The following ABCC11 variants were observed in gnomAD, a reference collection of about 807,000 sequenced individuals.
ABCC11 encodes the protein ATP-binding cassette sub-family C member 11.
Under a neutral mutation model 149.3 loss-of-function variants are expected in ABCC11, and 135 were observed. That is an observed-to-expected ratio of 0.90 (90% CI 0.79 to 1.04). The LOEUF is 1.04. Among genes scored for constraint, ABCC11 ranks in the 50% least tolerant of loss-of-function variants. The pLI, the probability that ABCC11 is intolerant of heterozygous loss-of-function variation, is 0.00. For synonymous variants in ABCC11, 665 were observed against 671.4 expected, an observed-to-expected ratio of 0.99 and a Z score of 0.15; for missense variants, 1,680 against 1,722.1, an observed-to-expected ratio of 0.98 and a Z score of 0.43.
intron 1 of ABCC11, among the ~76,000 whole-genome samples, chr16:48,239,325 G>T (rs927535569): frequency 1.3e-5 from 2 of 152,116 alleles, no homozygotes; most frequent in African/African-American, 4.8e-5. Context: ...GACTTTGGGA[G>T]GCTGAGGCGG....
intron 17 of ABCC11, 110 bp from the exon 18 acceptor site, chr16:48,196,431 T>G: frequency 1.0e-6 from 1 of 997,492 alleles, no homozygotes; most frequent in East Asian, 2.6e-5. Flanking sequence ...CCAGCTTCAG[T>G]GCCCCACCTA....
chr16:48,233,527 C>G (rs1970535932), intron 1 of ABCC11, among the ~76,000 whole-genome samples: 1 of 152,316 alleles, frequency 6.6e-6, no homozygotes, highest in Non-Finnish European at 1.5e-5. Flanking sequence ...GTGACACACA[C>G]TCTTTACAGC....
intron 1 of ABCC11, chr16:48,244,418 C>CA (rs1567301064): frequency 1.3e-6 from 2 of 1,582,074 alleles, no homozygotes; most frequent in Non-Finnish European, 1.7e-6. Context: ...TCCAGATCCC[C>CA]AGTCGCCTCC....
chr16:48,227,670 T>C (rs1970161071), intron 4 of ABCC11, 136 bp downstream of exon 4: 1 of 1,102,760 alleles, frequency 9.1e-7, no homozygotes, highest in Non-Finnish European at 1.4e-6. Flanking sequence ...CCTCACCTAG[T>C]ATGAGGCCTC....
intron 6 of ABCC11, among the ~76,000 whole-genome samples, chr16:48,219,756 A>G (rs544766915): frequency 3.9e-4 from 59 of 152,250 alleles, no homozygotes; most frequent in African/African-American, 1.4e-3. Context: ...CAAAGTAGGC[A>G]GGTCACCTAA....
At chr16:48,211,659 C>A (rs754224727) in intron 10 of ABCC11, among the ~76,000 whole-genome samples, 28 of 151,686 alleles carry the variant, frequency 1.8e-4, no homozygotes, top group Admixed American at 3.3e-4. Flanking sequence ...GCCTGGGGAC[C>A]ATAGTGAGAC....
At chr16:48,186,516 T>C (rs1966753468) in intron 22 of ABCC11, among the ~76,000 whole-genome samples, 1 of 152,222 alleles carries the variant, frequency 6.6e-6, no homozygotes, top group Admixed American at 6.5e-5. Flanking sequence ...TGTTTGCTTG[T>C]TTGTTTCAAC....
intron 14 of ABCC11, 31 bp from the exon 15 acceptor site, chr16:48,200,510 C>T: frequency 1.2e-6 from 2 of 1,607,162 alleles, no homozygotes; most frequent in Non-Finnish European, 8.5e-7. Context: ...GCACCATGTC[C>T]AGACAGCAAG....
chr16:48,170,840 C>T (rs546972528), intron 27 of ABCC11, 49 bp downstream of exon 27: 6 of 1,535,094 alleles, frequency 3.9e-6, no homozygotes, highest in African/African-American at 1.4e-5. Context: ...GGCAGCCCCC[C>T]ATGGGCGATG....
rs935756776 is a variant in ABCC11 at position 48,186,896 on chromosome 16, C to G, written c.3071+57G>C. On this transcript the variant is annotated intron_variant, in intron 22 of 29. Transcript: ENST00000356608. ...CACTCCCAGACGCTCCATTCTTTCC[C>G]TGCTCCCCACCACCCCTGTGGTTCC... is the stretch of plus-strand genomic sequence containing the variant. The G allele has an allele frequency of 3.8e-6, 6 of 1,598,984 alleles. No homozygotes were observed. The African/African-American group carries it at 8.1e-5, about 22-fold the overall frequency.
At chr16:48,173,450 G>T (rs1233947842) in intron 26 of ABCC11, among the ~76,000 whole-genome samples, 1 of 152,178 alleles carries the variant, frequency 6.6e-6, no homozygotes, top group African/African-American at 2.4e-5. Context: ...AAATTAGGCA[G>T]TATACTAAAG....
Position 48,216,574 on chromosome 16 carries a change from C to T in ABCC11, c.778-287G>A, listed in dbSNP as rs185895303. On this transcript the variant is annotated intron_variant, in intron 6 of 29. Coordinates refer to ENST00000356608, the MANE Select transcript of ABCC11 (RefSeq NM_001370497.1). ...CAATAACATAGAAAGTGTCTGCACA[C>T]ATAGAATGTGCTCAATAAAAGGGAT... Among the ~76,000 whole-genome samples the T allele has an allele frequency of 5.3e-5, 8 of 152,316 alleles. No homozygotes were observed. In the East Asian group the frequency reaches 1.3e-3, roughly 26 times the overall value.
rs1970443963 is a variant in ABCC11 at position 48,231,892 on chromosome 16, G to A, written c.30C>T (p.Pro10=). MTRKRTYWV[P]NSSGGLVNRG... ...GATTCACGAGGCCACCAGAAGAGTT[G>A]GGCACCCAGTATGTCCTCTTCCTAG... The change falls in exon 2 of 30, where the codon CCC becomes CCT. Residue 10 remains proline (P), a synonymous_variant. Transcript: ENST00000356608. 2 of 1,614,000 alleles carry A rather than the reference G, an allele frequency of 1.2e-6. No homozygotes were observed. Among genetic ancestry groups the A allele is most frequent in the African/African-American group, 1.3e-5 (1 of 74,914 alleles).
chr16:48,170,711 G>C (rs1012504683), intron 27 of ABCC11, among the ~76,000 whole-genome samples, 178 bp downstream of exon 27: 2 of 152,184 alleles, frequency 1.3e-5, no homozygotes, highest in African/African-American at 4.8e-5. Context: ...CACACGGTTG[G>C]TGTCTGAGTG....
chr16:48,195,879 G>A (rs966637030), intron 18 of ABCC11, among the ~76,000 whole-genome samples: 7 of 152,138 alleles, frequency 4.6e-5, no homozygotes, highest in African/African-American at 1.2e-4. Context: ...AAATAATGAG[G>A]CAGGGGCACT....
chr16:48,231,905 G>T lies in ABCC11; in HGVS notation c.17C>A (p.Thr6Lys). The stretch of plus-strand genomic sequence containing the variant: ...ACCAGAAGAGTTGGGCACCCAGTAT[G>T]TCCTCTTCCTAGTCATTTTCAGTTC... MTRKR[T>K]YWVPNSSGGL... Residue 6 changes from threonine to lysine, a missense_variant, in exon 2 of 30, where the codon ACA (threonine) becomes AAA (lysine). Coordinates refer to ENST00000356608, the MANE Select transcript of ABCC11 (RefSeq NM_001370497.1). 1.2e-6 allele frequency: 2 copies of T among 1,614,158 alleles called. No homozygotes were observed. Among genetic ancestry groups the T allele is most frequent in the Non-Finnish European group, 1.7e-6 (2 of 1,180,012 alleles).
rs751299967 is a variant in ABCC11 at position 48,211,186 on chromosome 16, TG to T, written c.1369del (p.Gln457ArgfsTer51). 66 of 1,613,914 alleles carry T rather than the reference TG, an allele frequency of 4.1e-5. No homozygotes were observed. The Admixed American group carries it at 4.8e-4, about 12-fold the overall frequency. ...CTGGACATAGAAAACAGGGCTCTCC[TG>T]GAGGAAAAACTTCTGTAAAGACAGA... The part of the protein sequence containing the change: ...AVMRFKKFFL[Q>X]ESPVFYVQTL... On this transcript the variant is annotated frameshift_variant, in exon 11 of 30. Coordinates refer to ENST00000356608, the MANE Select transcript of ABCC11 (RefSeq NM_001370497.1). LOFTEE classifies it high-confidence loss of function.
intron 23 of ABCC11, among the ~76,000 whole-genome samples, chr16:48,181,277 G>A (rs2150748139): frequency 6.6e-6 from 1 of 152,350 alleles, no homozygotes; most frequent in Non-Finnish European, 1.5e-5. Context: ...CAGAGAGAGA[G>A]AGAGAATGTG....
intron 11 of ABCC11, 125 bp from the exon 12 acceptor site, chr16:48,208,621 C>G: frequency 1.0e-6 from 1 of 991,998 alleles, no homozygotes; most frequent in Non-Finnish European, 1.5e-6. Flanking sequence ...CACACAGAGC[C>G]CAAGACTCCT....
Sources: gnomAD v4.1 joint callset for allele counts (sites outside exome capture counted in the v4.1 genomes callset) on GRCh38, gnomAD v4.1.1 for gene constraint, MANE v1.5 for transcripts, NCBI Gene and HGNC (gene_info 2026-07-23, HGNC 2026-07-21) for gene names.